GPLD1: variants seen among roughly 807,000 people sequenced by gnomAD.
GPLD1 encodes glycosylphosphatidylinositol specific phospholipase D1, also known as phosphatidylinositol-glycan-specific phospholipase D.
A neutral mutation model predicts 112.6 loss-of-function variants in GPLD1; 84 were observed. The observed-to-expected ratio is 0.75, with a 90% CI of 0.63 to 0.89. The LOEUF is 0.89. Among genes scored for constraint, GPLD1 ranks in the 40% least tolerant of loss-of-function variants. The probability of loss-of-function intolerance (pLI) is 0.00; values close to 1 mark genes in which losing one functional copy is unlikely to be tolerated. For synonymous variants in GPLD1, 386 were observed against 403.8 expected (o/e 0.96, Z 0.53); for missense variants, 1,044 against 1,051.5 (o/e 0.99, Z 0.10).
intron 13 of GPLD1, among the ~76,000 whole-genome samples, chr6:24,455,545 T>C (rs1007598809): frequency 9.2e-5 from 14 of 152,228 alleles, no homozygotes; most frequent in Non-Finnish European, 1.6e-4. Context: ...TTTATTTTTT[T>C]ATTTATTTTG....
chr6:24,440,713 C>T (rs1215899219), intron 20 of GPLD1, among the ~76,000 whole-genome samples: 1 of 123,170 alleles, frequency 8.1e-6, no homozygotes, highest in Non-Finnish European at 1.6e-5. Context: ...CATAGCAAGA[C>T]TCCAACTATT....
intron 17 of GPLD1, among the ~76,000 whole-genome samples, chr6:24,447,587 G>C (rs138935392): frequency 4.9e-4 from 75 of 152,284 alleles, no homozygotes; most frequent in African/African-American, 1.6e-3. Flanking sequence ...GCACCACTGA[G>C]ATGCCTCCGG....
chr6:24,488,903 T>C (rs1372041112), intron 1 of GPLD1, among the ~76,000 whole-genome samples: 3 of 152,148 alleles, frequency 2.0e-5, no homozygotes. Flanking sequence ...TGCATGTGGA[T>C]AACTAAACTC....
At chr6:24,437,785 T>C (rs1003905022) in intron 20 of GPLD1, among the ~76,000 whole-genome samples, 6 of 152,220 alleles carry the variant, frequency 3.9e-5, no homozygotes, top group African/African-American at 1.4e-4. Flanking sequence ...CTGCCTGGAA[T>C]AGAGGCATAT....
chr6:24,427,643 C>T lies in GPLD1; in HGVS notation c.*1389G>A, dbSNP rs761936554. Among the ~76,000 whole-genome samples the T allele has an allele frequency of 3.9e-5, 6 of 151,960 alleles. No homozygotes were observed. Among genetic ancestry groups the T allele is most frequent in the Non-Finnish European group, 7.4e-5 (5 of 67,982 alleles). ...GGTGGATCACCTGAGATCAGGAGTT[C>T]GAGACCAGCCTGGCCAACATGGTGA... On this transcript the variant is annotated 3_prime_UTR_variant, in exon 25 of 25. Transcript: ENST00000230036.
chr6:24,451,742 G>A (rs1020206870), intron 14 of GPLD1, among the ~76,000 whole-genome samples: 28 of 152,176 alleles, frequency 1.8e-4, no homozygotes, highest in African/African-American at 6.8e-4. Context: ...TTATTTATTA[G>A]GTAATCTCTC....
chr6:24,436,848 C>T (rs781317509), intron 21 of GPLD1, 112 bp from the exon 22 acceptor site: 97 of 1,047,418 alleles, frequency 9.3e-5, no homozygotes, highest in Non-Finnish European at 1.3e-4. Flanking sequence ...TTAGTATCTC[C>T]TTTAGTCGGC....
intron 7 of GPLD1, among the ~76,000 whole-genome samples, 169 bp downstream of exon 7, chr6:24,472,413 A>T (rs1349682576): frequency 6.6e-6 from 1 of 152,214 alleles, no homozygotes; most frequent in Non-Finnish European, 1.5e-5. Flanking sequence ...AATTGAGTGG[A>T]ATTCAATTTC....
At chr6:24,481,041 GCTT>G (rs1209739052) in intron 2 of GPLD1, among the ~76,000 whole-genome samples, 2 of 152,206 alleles carry the variant, frequency 1.3e-5, no homozygotes, top group African/African-American at 2.4e-5. Context: ...TGAGGTGGTG[GCTT>G]CTTATTTTAC....
chr6:24,476,149 A>T, intron 4 of GPLD1, 32 bp downstream of exon 4: 1 of 1,202,926 alleles, frequency 8.3e-7, no homozygotes, highest in Non-Finnish European at 1.2e-6. Flanking sequence ...GTTTGGTGCT[A>T]AATATTTTAA....
At chr6:24,489,358 A>G in intron 1 of GPLD1, 57 bp downstream of exon 1, 2 of 1,260,310 alleles carry the variant, frequency 1.6e-6, no homozygotes, top group South Asian at 2.4e-5. Flanking sequence ...TCTCTTCCTT[A>G]ATGTCTTTGA....
At chr6:24,445,253 C>A (rs757011249) in intron 20 of GPLD1, among the ~76,000 whole-genome samples, 13 of 152,096 alleles carry the variant, frequency 8.5e-5, no homozygotes, top group Non-Finnish European at 1.9e-4. Context: ...TCTCCAACTC[C>A]TGACCTCAAG....
Position 24,454,213 on chromosome 6 carries a change from G to C in GPLD1, c.1149-12C>G. ...CTGAGGTCATTGCCCTTAGGGAAGT[G>C]AAGGGACCCACCATGGTATGCACTG... On this transcript the variant is annotated splice_polypyrimidine_tract_variant and intron_variant, in intron 13 of 24. Transcript: ENST00000230036. 6.2e-7 allele frequency: 1 copy of C among 1,600,584 alleles called. No individual in the cohort carries two copies. Among genetic ancestry groups the C allele is most frequent in the Non-Finnish European group, 8.5e-7 (1 of 1,172,126 alleles).
intron 14 of GPLD1, among the ~76,000 whole-genome samples, chr6:24,450,577 T>G (rs1267271556): frequency 6.6e-6 from 1 of 152,188 alleles, no homozygotes; most frequent in Non-Finnish European, 1.5e-5. Context: ...TAACATTTGT[T>G]GAATACTCAG....
chr6:24,468,253 A>C (rs148039831), intron 7 of GPLD1, among the ~76,000 whole-genome samples: 3,842 of 152,238 alleles, frequency 0.025, 152 homozygotes, highest in African/African-American at 0.082. Flanking sequence ...TAAAAGCTAC[A>C]TACCTCCCTC....
At chr6:24,448,728 G>C (rs141696673) in intron 15 of GPLD1, among the ~76,000 whole-genome samples, 1 of 152,082 alleles carries the variant, frequency 6.6e-6, no homozygotes, top group South Asian at 2.1e-4. Flanking sequence ...TGAAGCCCCC[G>C]GGCCACAGCC....
chr6:24,485,027 T>G (rs371824719), intron 2 of GPLD1, among the ~76,000 whole-genome samples: 1 of 152,228 alleles, frequency 6.6e-6, no homozygotes, highest in Non-Finnish European at 1.5e-5. Flanking sequence ...ATGATCAGAA[T>G]GTGTTCATTT....
chr6:24,446,816 C>T, intron 18 of GPLD1, 22 bp downstream of exon 18: 3 of 1,610,108 alleles, frequency 1.9e-6, no homozygotes, highest in African/African-American at 1.3e-5. Context: ...TCATGGTTCC[C>T]AGCCCCCAGC....
chr6:24,456,755 C>A, intron 12 of GPLD1, 118 bp from the exon 13 acceptor site: 1 of 630,598 alleles, frequency 1.6e-6, no homozygotes, highest in Non-Finnish European at 2.7e-6. Context: ...AAGTGCTAAA[C>A]AATAAAATAA....
Sources: allele counts gnomAD v4.1 joint callset (sites outside exome capture counted in the v4.1 genomes callset), GRCh38; gene constraint gnomAD v4.1.1; transcripts MANE v1.5; gene names NCBI Gene and HGNC (gene_info 2026-07-23, HGNC 2026-07-21).